AKAP13: variants seen among roughly 807,000 people sequenced by gnomAD.
AKAP13 encodes A-kinase anchoring protein 13.
Under a neutral mutation model 264.5 loss-of-function variants are expected in AKAP13, and 80 were observed. The observed-to-expected ratio is 0.30, with a 90% CI of 0.25 to 0.36. The LOEUF is 0.36. Among genes scored for constraint, AKAP13 ranks in the 10% least tolerant of loss-of-function variants. The probability of loss-of-function intolerance (pLI) is 1.00; values close to 1 mark genes in which losing one functional copy is unlikely to be tolerated. For synonymous variants in AKAP13, 1,380 were observed against 1,250.2 expected, an observed-to-expected ratio of 1.10 and a Z score of -2.19; for missense variants, 3,712 against 3,435.2, an observed-to-expected ratio of 1.08 and a Z score of -2.01.
intron 1 of AKAP13, among the ~76,000 whole-genome samples, chr15:85,459,817 C>CA (rs2074438473): frequency 6.6e-6 from 1 of 152,168 alleles, no homozygotes; most frequent in Non-Finnish European, 1.5e-5. Flanking sequence ...TTTTCCTTAA[C>CA]AGTACCATCA....
At chr15:85,411,300 CT>C (rs1338671672) in intron 1 of AKAP13, among the ~76,000 whole-genome samples, 1 of 152,148 alleles carries the variant, frequency 6.6e-6, no homozygotes, top group African/African-American at 2.4e-5. Flanking sequence ...AACATTATTA[CT>C]TTTATTAAAT....
chr15:85,469,565 A>G (rs1216501822), intron 1 of AKAP13, among the ~76,000 whole-genome samples: 1 of 152,212 alleles, frequency 6.6e-6, no homozygotes, highest in Non-Finnish European at 1.5e-5. Context: ...TGGACCCACC[A>G]GCTGCAAGAT....
intron 1 of AKAP13, among the ~76,000 whole-genome samples, chr15:85,421,651 C>G (rs2072529337): frequency 6.6e-6 from 1 of 152,198 alleles, no homozygotes. Context: ...CTCTAATATT[C>G]ACTCTTGTCC....
intron 5 of AKAP13, among the ~76,000 whole-genome samples, chr15:85,550,437 G>A (rs979544639): frequency 2.0e-5 from 3 of 152,178 alleles, no homozygotes; most frequent in Admixed American, 1.3e-4. Context: ...AAGGGTTTGT[G>A]CCTGTAAGCT....
chr15:85,524,905 G>A (rs12909742), intron 3 of AKAP13, among the ~76,000 whole-genome samples: 2 of 149,252 alleles, frequency 1.3e-5, no homozygotes. Context: ...GTGTGTGTCT[G>A]TGTGTAATTA....
intron 16 of AKAP13, among the ~76,000 whole-genome samples, chr15:85,687,407 C>T (rs1010507059): frequency 4.6e-5 from 7 of 152,064 alleles, no homozygotes; most frequent in African/African-American, 9.7e-5. Flanking sequence ...TGTGTTAGAC[C>T]GAAATCTGTG....
chr15:85,470,622 C>T (rs1305543351), intron 1 of AKAP13, among the ~76,000 whole-genome samples: 1 of 152,192 alleles, frequency 6.6e-6, no homozygotes, highest in African/African-American at 2.4e-5. Flanking sequence ...AGTAGCTTTT[C>T]CCTTTCCAAA....
chr15:85,675,860 C>T (rs193229499), intron 14 of AKAP13, among the ~76,000 whole-genome samples: 7 of 152,080 alleles, frequency 4.6e-5, no homozygotes, highest in Non-Finnish European at 7.4e-5. Flanking sequence ...ATGATTAGAA[C>T]ACTTCAGGCT....
chr15:85,713,446 CT>C (rs1434956528), intron 19 of AKAP13, among the ~76,000 whole-genome samples: 2 of 152,024 alleles, frequency 1.3e-5, no homozygotes, highest in Non-Finnish European at 2.9e-5. Context: ...CTAGTGTTTT[CT>C]TCCTCCATCA....
At chr15:85,540,218 G>A in intron 4 of AKAP13, among the ~76,000 whole-genome samples, 1 of 152,146 alleles carries the variant, frequency 6.6e-6, no homozygotes, top group South Asian at 2.1e-4. Context: ...TCGTGGGCAG[G>A]ATGGAGCTCC....
At chr15:85,623,505 G>T (rs1166911651) in intron 8 of AKAP13, among the ~76,000 whole-genome samples, 1 of 152,144 alleles carries the variant, frequency 6.6e-6, no homozygotes, top group Admixed American at 6.5e-5. Context: ...GGCTGCTTCT[G>T]CATTCTGCCC....
intron 30 of AKAP13, among the ~76,000 whole-genome samples, chr15:85,734,631 G>C (rs911455971): frequency 1.3e-5 from 2 of 152,176 alleles, no homozygotes; most frequent in Non-Finnish European, 2.9e-5. Flanking sequence ...CAGAAATCCT[G>C]ACTGTTTTAC....
intron 10 of AKAP13, among the ~76,000 whole-genome samples, chr15:85,649,996 T>C (rs2082729329): frequency 6.6e-6 from 1 of 152,118 alleles, no homozygotes; most frequent in African/African-American, 2.4e-5. Flanking sequence ...CTACAATTGA[T>C]TTAAAAAAAT....
intron 8 of AKAP13, among the ~76,000 whole-genome samples, chr15:85,609,953 A>G (rs911006014): frequency 2.6e-5 from 4 of 152,102 alleles, no homozygotes; most frequent in Admixed American, 1.3e-4. Flanking sequence ...TACCTACCCA[A>G]GCTGTCTTGT....
chr15:85,650,785 A>AAC (rs2082788230), intron 10 of AKAP13, among the ~76,000 whole-genome samples: 1 of 136,168 alleles, frequency 7.3e-6, no homozygotes, highest in Non-Finnish European at 1.6e-5. Context: ...AAAAAAAAAA[A>AAC]AAAAACAACA....
At chr15:85,637,884 G>GTT (rs34885165) in intron 8 of AKAP13, among the ~76,000 whole-genome samples, 11 of 122,510 alleles carry the variant, frequency 9.0e-5, no homozygotes, top group South Asian at 8.3e-4. Context: ...TTATTTAGAA[G>GTT]TTTTTTTTTT....
intron 8 of AKAP13, among the ~76,000 whole-genome samples, chr15:85,631,392 A>G (rs1006686737): frequency 2.6e-5 from 4 of 152,104 alleles, no homozygotes; most frequent in African/African-American, 9.7e-5. Flanking sequence ...TACTAGTACT[A>G]TTGAATTATA....
rs74994392 is a variant in AKAP13, at chr15:85,455,127, G to A, written c.-11-30583G>A. 4.4e-4 allele frequency among the ~76,000 whole-genome samples: 67 copies of A among 152,134 alleles called. 1 individual carries two copies. The East Asian group carries it at 0.011, about 25-fold the overall frequency. ...TGTCTGTCCTTGGTACATCCTTTTA[G>A]CCTTTTAGGACTTCTGGATCTTCAG... On this transcript the variant is annotated intron_variant, in intron 1 of 36. Coordinates refer to ENST00000394518, the MANE Select transcript of AKAP13 (RefSeq NM_007200.5).
At chr15:85,620,802 T>C (rs2081150949) in intron 8 of AKAP13, among the ~76,000 whole-genome samples, 1 of 152,198 alleles carries the variant, frequency 6.6e-6, no homozygotes, top group South Asian at 2.1e-4. Flanking sequence ...GCATTAGTGA[T>C]GTTTGGTGTC....
Sources: allele counts gnomAD v4.1 joint callset (sites outside exome capture counted in the v4.1 genomes callset), GRCh38; gene constraint gnomAD v4.1.1; transcripts MANE v1.5; gene names NCBI Gene and HGNC (gene_info 2026-07-23, HGNC 2026-07-21).